CMIP: variants seen among roughly 807,000 people sequenced by gnomAD.
CMIP encodes c-Maf inducing protein, also known as C-Maf-inducing protein.
CMIP carries 13 observed loss-of-function variants against 97.3 expected under a neutral mutation model. The observed-to-expected ratio is 0.13, with a 90% CI of 0.09 to 0.21. The LOEUF is 0.21. Among genes scored for constraint, CMIP ranks in the 10% least tolerant of loss-of-function variants. The pLI, the probability that CMIP is intolerant of heterozygous loss-of-function variation, is 1.00. For missense variants in CMIP, 847 were observed against 1,024.9 expected, an observed-to-expected ratio of 0.83 and a Z score of 2.37; for synonymous variants, 538 against 436.3, an observed-to-expected ratio of 1.23 and a Z score of -2.91.
rs1908652745 is a variant in CMIP at position 81,710,554 on chromosome 16, C to T, written c.*755C>T. On this transcript the variant is annotated 3_prime_UTR_variant, in exon 21 of 21. Coordinates refer to ENST00000537098, the MANE Select transcript of CMIP (RefSeq NM_198390.3). ...ACAAAAAGAAGAAAAAAAAAAAGAA[C>T]CTCCTTGGAAAAATTAATTGCTTTT... 1 of 151,940 alleles carries T rather than the reference C, an allele frequency of 6.6e-6. No homozygotes were observed. Among genetic ancestry groups the T allele is most frequent in the Admixed American group, 6.6e-5 (1 of 15,252 alleles). The allele number at this position is 151,940 out of a possible 1,614,324, so 9.4% of individuals were successfully genotyped here. A position where few individuals can be genotyped will look rare whatever the true frequency, so the allele number is the denominator to read the frequency against.
chr16:81,686,669 A>T (rs1905425048), intron 10 of CMIP, among the ~76,000 whole-genome samples: 1 of 152,106 alleles, frequency 6.6e-6, no homozygotes, highest in African/African-American at 2.4e-5. Flanking sequence ...TGGGGTTCTG[A>T]AGGCTGCCAC....
intron 1 of CMIP, among the ~76,000 whole-genome samples, chr16:81,467,747 C>CTTT (rs962669532): frequency 1.3e-5 from 2 of 151,576 alleles, no homozygotes; most frequent in African/African-American, 4.8e-5. Context: ...TGCCTGGCTA[C>CTTT]TTTTTAAATT....
intron 1 of CMIP, among the ~76,000 whole-genome samples, chr16:81,507,442 A>C (rs2089730318): frequency 6.6e-6 from 1 of 152,274 alleles, no homozygotes; most frequent in East Asian, 1.9e-4. Context: ...TGTCCACTTG[A>C]CTTGTGGATT....
rs753684997 is a variant in CMIP at position 81,709,811 on chromosome 16, C to T, written c.*12C>T. ...CCGAAGCCTGGTGAAGCTCCCAGCT[C>T]AAGGCAGGAAGACGTTTGCAACCGC... On this transcript the variant is annotated 3_prime_UTR_variant, in exon 21 of 21. Coordinates refer to ENST00000537098, the MANE Select transcript of CMIP (RefSeq NM_198390.3). 1.3e-5 allele frequency: 21 copies of T among 1,613,750 alleles called. No homozygotes were observed. The highest frequency in any genetic ancestry group is 1.4e-5 in the Non-Finnish European group (17 of 1,179,790).
intron 1 of CMIP, among the ~76,000 whole-genome samples, chr16:81,462,805 A>G (rs1406673490): frequency 2.0e-5 from 3 of 152,200 alleles, no homozygotes; most frequent in Non-Finnish European, 4.4e-5. Context: ...TTCTGCTGGA[A>G]TCAGGCAGAT....
At position 81,670,238 on chromosome 16, in the gene CMIP, A is replaced by G. The variant is rs1567649775; in HGVS notation, c.922A>G (p.Ile308Val). 6.2e-7 allele frequency: 1 copy of G among 1,609,866 alleles called. No homozygotes were observed. The highest frequency in any genetic ancestry group is 2.2e-5 in the East Asian group (1 of 44,748). ...NAGMEVVKKFIQSMHGPTGHC... is the reference protein window; with the variant it reads ...NAGMEVVKKFVQSMHGPTGHC... ...GGGGATGGAAGTGGTGAAGAAGTTC[A>G]TTCAGAGGTGGGTCTCCGGCGCGAC... is the stretch of plus-strand genomic sequence containing the variant. The change falls in exon 8 of 21, where the codon ATT becomes GTT. Residue 308 changes from isoleucine (I) to valine (V), a missense_variant. Transcript: ENST00000537098.
At chr16:81,585,313 C>T (rs2091363480) in intron 1 of CMIP, among the ~76,000 whole-genome samples, 1 of 152,164 alleles carries the variant, frequency 6.6e-6, no homozygotes, top group Non-Finnish European at 1.5e-5. Context: ...TGTACTCCAG[C>T]CTGGGCAAAA....
At chr16:81,586,565 T>A (rs2091385994) in intron 1 of CMIP, among the ~76,000 whole-genome samples, 4 of 152,218 alleles carry the variant, frequency 2.6e-5, no homozygotes, top group Admixed American at 2.6e-4. Flanking sequence ...CACTGTAGCC[T>A]GCCACGCAAG....
At chr16:81,530,495 G>A (rs188069068) in intron 1 of CMIP, among the ~76,000 whole-genome samples, 1 of 152,034 alleles carries the variant, frequency 6.6e-6, no homozygotes, top group African/African-American at 2.4e-5. Flanking sequence ...GATCGGTGTA[G>A]CCCGTCTGAG....
intron 1 of CMIP, among the ~76,000 whole-genome samples, chr16:81,466,519 G>A (rs781742931): frequency 5.9e-5 from 9 of 152,230 alleles, no homozygotes; most frequent in Non-Finnish European, 8.8e-5. Context: ...CCTTGTCTGT[G>A]TAACGAAAGA....
At chr16:81,601,354 G>C (rs937339029) in intron 1 of CMIP, among the ~76,000 whole-genome samples, 1 of 152,194 alleles carries the variant, frequency 6.6e-6, no homozygotes, top group African/African-American at 2.4e-5. Flanking sequence ...TCACCACAAA[G>C]GCAAGGGAAG....
At chr16:81,497,491 G>T (rs961908428) in intron 1 of CMIP, among the ~76,000 whole-genome samples, 5 of 152,158 alleles carry the variant, frequency 3.3e-5, no homozygotes, top group African/African-American at 1.2e-4. Flanking sequence ...TCCCAGAAGG[G>T]TCTCTGGAAG....
chr16:81,452,313 C>T (rs979657549), intron 1 of CMIP, among the ~76,000 whole-genome samples: 12 of 152,050 alleles, frequency 7.9e-5, no homozygotes, highest in African/African-American at 2.9e-4. Context: ...ATCTGTAAAG[C>T]GAGGATCAGA....
rs768759672 is a variant in CMIP at position 81,696,677 on chromosome 16, G to T, written c.1638+10G>T. ...GCTGTTCGCCAGCATGGTACGCAGT[G>T]GGACCCCAGTGGGGTGACTTCCAGG... On this transcript the variant is annotated intron_variant, in intron 14 of 20. Transcript: ENST00000537098. 21 of 1,603,174 alleles carry T rather than the reference G, an allele frequency of 1.3e-5. No homozygotes were observed. Among genetic ancestry groups the T allele is most frequent in the Non-Finnish European group, 1.4e-5 (17 of 1,179,214 alleles).
intron 8 of CMIP, among the ~76,000 whole-genome samples, chr16:81,670,620 TGGGGG>T (rs10542852): frequency 1.0e-5 from 1 of 98,350 alleles, no homozygotes; most frequent in Non-Finnish European, 1.9e-5. Flanking sequence ...GGGTTTTTTT[TGGGGG>T]GGGGGGGGGT....
intron 1 of CMIP, among the ~76,000 whole-genome samples, chr16:81,560,470 G>A (rs1044906483): frequency 1.2e-4 from 18 of 152,028 alleles, no homozygotes; most frequent in African/African-American, 3.6e-4. Context: ...CGCCCGCCTC[G>A]GCCTCCCAAA....
At chr16:81,658,941 A>C (rs1242916097) in intron 5 of CMIP, among the ~76,000 whole-genome samples, 2 of 152,302 alleles carry the variant, frequency 1.3e-5, no homozygotes, top group Non-Finnish European at 2.9e-5. Flanking sequence ...GCACAAAATG[A>C]GGTGAGCCCC....
intron 1 of CMIP, among the ~76,000 whole-genome samples, chr16:81,448,287 G>A (rs913969288): frequency 4.6e-5 from 7 of 152,256 alleles, no homozygotes. Context: ...GTGATTGATA[G>A]GGATTCAAAC....
At chr16:81,603,555 C>G in intron 1 of CMIP, 1 of 421,684 alleles carries the variant, frequency 2.4e-6, no homozygotes, top group Non-Finnish European at 4.7e-6. Context: ...TACATGATTG[C>G]CGAAGTCCAC....
Sources: allele counts gnomAD v4.1 joint callset (sites outside exome capture counted in the v4.1 genomes callset), GRCh38; gene constraint gnomAD v4.1.1; transcripts MANE v1.5; gene names NCBI Gene and HGNC (gene_info 2026-07-23, HGNC 2026-07-21).